Variants in PRIMPOL observed in about 807,000 individuals in gnomAD.
PRIMPOL encodes DNA-directed primase/polymerase protein.
In PRIMPOL, 54 loss-of-function variants were observed where a neutral mutation model predicts 63.6. The ratio of observed to expected loss-of-function variants is 0.85; its 90% CI spans 0.68 to 1.07. The LOEUF (loss-of-function observed/expected upper bound fraction) is 1.07, where lower values mean the gene tolerates loss of function less well. Ranked by LOEUF, PRIMPOL falls within the 50% of genes least tolerant of loss-of-function variation. The pLI is 0.00. For missense variants in PRIMPOL, 610 were observed against 648.3 expected, an observed-to-expected ratio of 0.94 and a Z score of 0.64; for synonymous variants, 197 against 220.2, an observed-to-expected ratio of 0.89 and a Z score of 0.93.
At chr4:184,669,824 C>T (rs1490967718) in intron 6 of PRIMPOL, among the ~76,000 whole-genome samples, 1 of 152,146 alleles carries the variant, frequency 6.6e-6, no homozygotes, top group Non-Finnish European at 1.5e-5. Flanking sequence ...AGCCCCTTTC[C>T]CCTAGAATTA....
chr4:184,671,887 C>T (rs1473083882), intron 6 of PRIMPOL, among the ~76,000 whole-genome samples: 4 of 148,316 alleles, frequency 2.7e-5, no homozygotes, highest in East Asian at 1.9e-4. Context: ...GGATTACAGG[C>T]GCACCACCAC....
intron 7 of PRIMPOL, among the ~76,000 whole-genome samples, chr4:184,675,235 A>T (rs1752977627): frequency 6.6e-6 from 1 of 152,160 alleles, no homozygotes; most frequent in Admixed American, 6.6e-5. Flanking sequence ...TTAATACTCC[A>T]TCTTTAAAAC....
chr4:184,659,224 A>G, intron 3 of PRIMPOL, 116 bp from the exon 4 acceptor site: 2 of 737,486 alleles, frequency 2.7e-6, no homozygotes, highest in East Asian at 5.2e-5. Context: ...ACAAATGTTC[A>G]AATTACAGTT....
At chr4:184,681,016 G>A (rs1214559074) in intron 8 of PRIMPOL, among the ~76,000 whole-genome samples, 1 of 152,160 alleles carries the variant, frequency 6.6e-6, no homozygotes, top group Non-Finnish European at 1.5e-5. Flanking sequence ...CGAAGTGCAG[G>A]TAATCTCCCG....
chr4:184,676,036 G>A (rs183059604), intron 7 of PRIMPOL, among the ~76,000 whole-genome samples: 1 of 152,208 alleles, frequency 6.6e-6, no homozygotes, highest in Non-Finnish European at 1.5e-5. Context: ...TTAAAGAAAC[G>A]TGGCCTATCC....
intron 8 of PRIMPOL, among the ~76,000 whole-genome samples, chr4:184,678,972 T>C (rs953567106): frequency 6.6e-6 from 1 of 152,204 alleles, no homozygotes; most frequent in Non-Finnish European, 1.5e-5. Flanking sequence ...AAAATGATTA[T>C]CACTTCTGTA....
chr4:184,682,522 A>C (rs1453837940), intron 9 of PRIMPOL, among the ~76,000 whole-genome samples, 186 bp downstream of exon 9: 1 of 151,806 alleles, frequency 6.6e-6, no homozygotes, highest in African/African-American at 2.4e-5. Flanking sequence ...TAATTTTTGC[A>C]TTTTTAGTAG....
chr4:184,658,264 T>G (rs1480853615), intron 3 of PRIMPOL, among the ~76,000 whole-genome samples: 1 of 152,174 alleles, frequency 6.6e-6, no homozygotes, highest in African/African-American at 2.4e-5. Context: ...GAGAATGGTT[T>G]AAGAAATACC....
Position 184,659,375 on chromosome 4 carries a change from A to G in PRIMPOL, c.216A>G (p.Gly72=), listed in dbSNP as rs1216263830. ...TATTTGCTTTGGAATGCAAAGTAGG[A>G]GATGGACAACGTATTTACCTTGTGA... ...VHVFALECKV[G]DGQRIYLVTT... Residue 72 remains glycine, a synonymous_variant, in exon 4 of 14, where the codon GGA becomes GGG. Transcript: ENST00000314970. The G allele has an allele frequency of 6.2e-6, 10 of 1,613,916 alleles. No individual in the cohort carries two copies. The highest frequency in any genetic ancestry group is 8.5e-6 in the Non-Finnish European group (10 of 1,179,842).
At chr4:184,665,651 C>G (rs1399615307) in intron 5 of PRIMPOL, among the ~76,000 whole-genome samples, 1 of 151,910 alleles carries the variant, frequency 6.6e-6, no homozygotes, top group African/African-American at 2.4e-5. Flanking sequence ...CTTATAGACA[C>G]CTGCCACCAC....
At chr4:184,692,781 C>T (rs1296633285) in intron 13 of PRIMPOL, among the ~76,000 whole-genome samples, 1 of 152,122 alleles carries the variant, frequency 6.6e-6, no homozygotes, top group Non-Finnish European at 1.5e-5. Context: ...TCACACTTTG[C>T]CAGCAGTGCT....
intron 2 of PRIMPOL, among the ~76,000 whole-genome samples, chr4:184,655,227 C>A (rs1745998430): frequency 6.6e-6 from 1 of 151,474 alleles, no homozygotes; most frequent in South Asian, 2.1e-4. Context: ...TCAGGCTGGT[C>A]TCGAACTCCT....
intron 2 of PRIMPOL, among the ~76,000 whole-genome samples, chr4:184,656,511 T>G (rs1183260211): frequency 6.6e-6 from 1 of 152,076 alleles, no homozygotes; most frequent in Non-Finnish European, 1.5e-5. Flanking sequence ...GAAAGAAAAA[T>G]CATCCATTAC....
At chr4:184,661,641 G>A in intron 4 of PRIMPOL, 133 bp from the exon 5 acceptor site, 1 of 484,128 alleles carries the variant, frequency 2.1e-6, no homozygotes, top group Middle Eastern at 5.7e-4. Context: ...AGGAGGAGGA[G>A]GTTGCAGTGA....
At chr4:184,671,714 C>T (rs1024877717) in intron 6 of PRIMPOL, among the ~76,000 whole-genome samples, 1 of 149,204 alleles carries the variant, frequency 6.7e-6, no homozygotes, top group Non-Finnish European at 1.5e-5. Context: ...ACAGGAGTGG[C>T]ATATAACAAT....
At chr4:184,678,869 A>T (rs1183582711) in intron 8 of PRIMPOL, among the ~76,000 whole-genome samples, 1 of 152,064 alleles carries the variant, frequency 6.6e-6, no homozygotes, top group Non-Finnish European at 1.5e-5. Flanking sequence ...TTTCTCCATT[A>T]GCTAAAAGAT....
chr4:184,659,597 A>G (rs574595200), intron 4 of PRIMPOL, among the ~76,000 whole-genome samples, 160 bp downstream of exon 4: 2 of 152,330 alleles, frequency 1.3e-5, no homozygotes, highest in East Asian at 1.9e-4. Context: ...TGTCATAGCA[A>G]TGCTTGAGTA....
Position 184,682,235 on chromosome 4 carries a change from A to G in PRIMPOL, c.1008-13A>G, listed in dbSNP as rs368727927. 3.1e-5 allele frequency: 46 copies of G among 1,478,692 alleles called. No individual in the cohort carries two copies. The highest frequency in any genetic ancestry group is 4.1e-5 in the Non-Finnish European group (44 of 1,061,408). The allele number at this position is 1,478,692 out of a possible 1,614,324, so 91.6% of individuals were successfully genotyped here. A position where few individuals can be genotyped will look rare whatever the true frequency, so the allele number is the denominator to read the frequency against. ...TGATGGTGCTTTGTTTCTTTTACCT[A>G]TTTCTTCTTCAGGTTCTCAGATACT... On this transcript the variant is annotated splice_polypyrimidine_tract_variant and intron_variant, in intron 8 of 13. Coordinates refer to ENST00000314970, the MANE Select transcript of PRIMPOL (RefSeq NM_152683.4).
chr4:184,678,522 GCT>G, intron 8 of PRIMPOL, 128 bp downstream of exon 8: 2 of 538,722 alleles, frequency 3.7e-6, no homozygotes, highest in South Asian at 2.7e-5. Flanking sequence ...AGTTCTTACA[GCT>G]CTTTTTTTTT....
Sources: gnomAD v4.1 joint callset for allele counts (sites outside exome capture counted in the v4.1 genomes callset) on GRCh38, gnomAD v4.1.1 for gene constraint, MANE v1.5 for transcripts, NCBI Gene and HGNC (gene_info 2026-07-23, HGNC 2026-07-21) for gene names.